MMP26: variants seen among roughly 807,000 people sequenced by gnomAD.
MMP26 encodes the protein matrix metalloproteinase-26.
In MMP26, 33 loss-of-function variants were observed where a neutral mutation model predicts 31.0. The ratio of observed to expected loss-of-function variants is 1.06; its 90% CI spans 0.81 to 1.42. The LOEUF (loss-of-function observed/expected upper bound fraction) is 1.42. MMP26 is among the 40% of genes most tolerant of loss of function. The pLI is 0.00. For missense variants in MMP26, 347 were observed against 316.1 expected (o/e 1.10, Z -0.74); for synonymous variants, 122 against 114.9 (o/e 1.06, Z -0.40).
intron 2 of MMP26, among the ~76,000 whole-genome samples, chr11:4,818,115 G>A (rs1453955468): frequency 6.6e-6 from 1 of 152,136 alleles, no homozygotes; most frequent in Non-Finnish European, 1.5e-5. Flanking sequence ...ACTAAAGGGT[G>A]TAGGAATTAG....
chr11:4,815,419 T>G (rs1241295745), intron 2 of MMP26, among the ~76,000 whole-genome samples: 3 of 152,168 alleles, frequency 2.0e-5, no homozygotes, highest in African/African-American at 7.2e-5. Flanking sequence ...GTATGTAGCT[T>G]TTTATACTTA....
chr11:4,825,679 C>T (rs1849569222), intron 2 of MMP26, among the ~76,000 whole-genome samples: 1 of 152,124 alleles, frequency 6.6e-6, no homozygotes, highest in South Asian at 2.1e-4. Context: ...CAGTCAATCA[C>T]AAATGAGTGT....
intron 2 of MMP26, among the ~76,000 whole-genome samples, chr11:4,827,670 AAAG>A (rs898197207): frequency 2.0e-5 from 3 of 151,986 alleles, no homozygotes; most frequent in Admixed American, 6.6e-5. Flanking sequence ...CAATAAATAA[AAAG>A]GAGAAGTAAG....
chr11:4,937,309 T>G (rs1277740247), intron 2 of MMP26: 2 of 152,192 alleles, frequency 1.3e-5, no homozygotes, highest in African/African-American at 2.4e-5. Context: ...TCAACGTCTA[T>G]TTAGTTGCCA....
intron 2 of MMP26, chr11:4,881,686 G>C: frequency 1.8e-6 from 1 of 547,834 alleles, no homozygotes; most frequent in Non-Finnish European, 3.2e-6. Flanking sequence ...TTTGGAGTTA[G>C]TAAATTTGGT....
At chr11:4,946,140 T>C in intron 2 of MMP26, 1 of 1,603,808 alleles carries the variant, frequency 6.2e-7, no homozygotes, top group South Asian at 1.1e-5. Context: ...ATTTCCAGGT[T>C]TTCTGTCACA....
Position 4,988,221 on chromosome 11 carries a change from G to C in MMP26, c.10G>C (p.Val4Leu), listed in dbSNP as rs373784834. The C allele has an allele frequency of 5.6e-6, 9 of 1,613,884 alleles. No homozygotes were observed. Among genetic ancestry groups the C allele is most frequent in the African/African-American group, 5.3e-5 (4 of 74,878 alleles). Residue 4 changes from valine (V) to leucine (L), a missense_variant, in exon 3 of 8, where the codon GTC (valine) becomes CTC (leucine). By Grantham distance (32) the Val-to-Leu change is conservative. Transcript: ENST00000380390. MQL[V>L]ILRVTIFLPW... is the part of the protein sequence containing the mutation. Reference sequence around the variant, plus strand: ...CAAATGAGGGTTTGGCATGCAGCTCGTCATCTTAAGAGTTACTATCTTCTT... The same window carrying C: ...CAAATGAGGGTTTGGCATGCAGCTCCTCATCTTAAGAGTTACTATCTTCTT...
chr11:4,758,988 G>C (rs1360254715), intron 1 of MMP26, among the ~76,000 whole-genome samples: 1 of 151,654 alleles, frequency 6.6e-6, no homozygotes, highest in Non-Finnish European at 1.5e-5. Context: ...GTGCATGCCT[G>C]TAATCACAGC....
At chr11:4,908,122 T>C in intron 2 of MMP26, 4 of 1,614,214 alleles carry the variant, frequency 2.5e-6, no homozygotes, top group Non-Finnish European at 2.5e-6. Context: ...TCACCTTCTA[T>C]GTGCCCATCA....
chr11:4,847,964 C>G (rs1849898094), intron 2 of MMP26: 1 of 393,090 alleles, frequency 2.5e-6, no homozygotes, highest in Non-Finnish European at 4.5e-6. Context: ...AAGATAACAA[C>G]AGGCACACAC....
At chr11:4,716,092 C>G (rs926336806) in intron 1 of MMP26, among the ~76,000 whole-genome samples, 1 of 152,158 alleles carries the variant, frequency 6.6e-6, no homozygotes, top group Non-Finnish European at 1.5e-5. Flanking sequence ...AAAAGCCCAG[C>G]AAGAAATTGG....
chr11:4,837,748 T>A (rs1849738555), intron 2 of MMP26, among the ~76,000 whole-genome samples: 1 of 152,044 alleles, frequency 6.6e-6, no homozygotes, highest in South Asian at 2.1e-4. Flanking sequence ...AGAATTGGTG[T>A]GGATTTGGCC....
At chr11:4,882,545 A>T in intron 2 of MMP26, 2 of 1,613,842 alleles carry the variant, frequency 1.2e-6, no homozygotes, top group Non-Finnish European at 1.7e-6. Flanking sequence ...CGTATTGTTT[A>T]TTCTTTTCTC....
chr11:4,813,220 G>T (rs554515478), intron 2 of MMP26, among the ~76,000 whole-genome samples: 63 of 152,116 alleles, frequency 4.1e-4, no homozygotes, highest in African/African-American at 1.4e-3. Flanking sequence ...TGCACCAGTG[G>T]ACTTTTAAAT....
chr11:4,898,253 A>C (rs1434010951), intron 2 of MMP26, among the ~76,000 whole-genome samples: 2 of 152,090 alleles, frequency 1.3e-5, no homozygotes, highest in African/African-American at 4.8e-5. Flanking sequence ...TGTTTTAAGT[A>C]TGACATTGTT....
intron 1 of MMP26, among the ~76,000 whole-genome samples, chr11:4,765,979 C>T (rs935580497): frequency 4.6e-5 from 7 of 152,178 alleles, no homozygotes; most frequent in African/African-American, 1.7e-4. Context: ...AGTAAATTAG[C>T]TACATTCCTT....
intron 2 of MMP26, among the ~76,000 whole-genome samples, chr11:4,986,956 T>TCTCTCTCTCTCTCTCTCTTTCC (rs1846908234): frequency 7.1e-6 from 1 of 140,258 alleles, no homozygotes; most frequent in African/African-American, 2.8e-5. Flanking sequence ...TCTCTCTCTC[T>TCTCTCTCTCTCTCTCTCTTTCC]CTCCCTCTCT....
intron 1 of MMP26, among the ~76,000 whole-genome samples, chr11:4,724,738 G>A (rs1848072893): frequency 6.6e-6 from 1 of 152,206 alleles, no homozygotes; most frequent in Non-Finnish European, 1.5e-5. Flanking sequence ...ATAATACAAT[G>A]TTAACATTGA....
intron 2 of MMP26, among the ~76,000 whole-genome samples, chr11:4,810,308 G>GTCATT (rs1418082594): frequency 6.6e-6 from 1 of 151,934 alleles, no homozygotes; most frequent in Non-Finnish European, 1.5e-5. Flanking sequence ...CTGCTGATAT[G>GTCATT]TAAGTCGAGT....
Sources: gnomAD v4.1 joint callset for allele counts (sites outside exome capture counted in the v4.1 genomes callset) on GRCh38, gnomAD v4.1.1 for gene constraint, MANE v1.5 for transcripts, NCBI Gene and HGNC (gene_info 2026-07-23, HGNC 2026-07-21) for gene names.